WDR1: variants seen among roughly 807,000 people sequenced by gnomAD.
WDR1 encodes WD repeat domain 1.
Under a neutral mutation model 71.9 loss-of-function variants are expected in WDR1, and 21 were observed. The observed-to-expected ratio is 0.29, with a 90% confidence interval of 0.21 to 0.42. The LOEUF is 0.42. Ranked by LOEUF, WDR1 falls within the 10% of genes least tolerant of loss-of-function variation. The pLI, the probability that WDR1 is intolerant of heterozygous loss-of-function variation, is 1.00. For synonymous variants in WDR1, 424 were observed against 347.4 expected (o/e 1.22, Z -2.45); for missense variants, 696 against 824.5 (o/e 0.84, Z 1.91).
chr4:10,095,169 A>C (rs1712253700), intron 5 of WDR1, among the ~76,000 whole-genome samples: 3 of 152,208 alleles, frequency 2.0e-5, no homozygotes, highest in South Asian at 2.1e-4. Flanking sequence ...AGGCAAGGCC[A>C]CCAAGGCCTG....
rs1764757404 is a variant in WDR1 at position 10,075,285 on chromosome 4, G to C, written c.*93C>G. 1.7e-6 allele frequency: 2 copies of C among 1,154,158 alleles called. No homozygotes were observed. Among genetic ancestry groups the C allele is most frequent in the Admixed American group, 4.0e-5 (2 of 50,392 alleles). The allele number at this position is 1,154,158 out of a possible 1,614,324, so 71.5% of individuals were successfully genotyped here. A position where few individuals can be genotyped will look rare whatever the true frequency, so the allele number is the denominator to read the frequency against. On this transcript the variant is annotated 3_prime_UTR_variant, in exon 15 of 15. Coordinates refer to ENST00000499869, the MANE Select transcript of WDR1 (RefSeq NM_017491.5). ...CCTCTTGTGGTGGGGTGGGGGCATGGGGGCGCGTCACAGAAATAGAGAAAT... is the reference window on the plus strand; with the variant it reads ...CCTCTTGTGGTGGGGTGGGGGCATGCGGGCGCGTCACAGAAATAGAGAAAT...
At position 10,087,764 on chromosome 4, in the gene WDR1, G is replaced by T; in HGVS notation, c.894C>A (p.Ser298=). 1 of 1,602,600 alleles carries T rather than the reference G, an allele frequency of 6.2e-7. No homozygotes were observed. Among genetic ancestry groups the T allele is most frequent in the Non-Finnish European group, 8.5e-7 (1 of 1,174,366 alleles). Residue 298 remains serine, a synonymous_variant, in exon 8 of 15, where the codon TCC becomes TCA. Transcript: ENST00000499869. ...TTCTGTCCAGATAGTTGATGTACCC[G>T]GACAGGGAGACACTGAGCAGGTGGT... The part of the protein sequence containing the change: ...QKDHLLSVSL[S]GYINYLDRNN...
Position 10,075,342 on chromosome 4 carries a change from C to G in WDR1, c.*36G>C, listed in dbSNP as rs1339737252. ...TTCCGCTGCAGTTAAACTCTAGTCCCTGATTCGGTCCATCCAGAGGCGGGG... is the reference window on the plus strand; with the variant it reads ...TTCCGCTGCAGTTAAACTCTAGTCCGTGATTCGGTCCATCCAGAGGCGGGG... On this transcript the variant is annotated 3_prime_UTR_variant, in exon 15 of 15. Transcript: ENST00000499869. The G allele has an allele frequency of 6.3e-7, 1 of 1,592,218 alleles. No individual in the cohort carries two copies. Among genetic ancestry groups the G allele is most frequent in the Non-Finnish European group, 8.6e-7 (1 of 1,160,960 alleles).
At chr4:10,100,804 G>A (rs1381855228) in intron 3 of WDR1, among the ~76,000 whole-genome samples, 2 of 152,214 alleles carry the variant, frequency 1.3e-5, no homozygotes, top group Non-Finnish European at 2.9e-5. Context: ...GTCACCACAG[G>A]CTGGCAGCAT....
At chr4:10,078,017 T>A (rs1764868321) in intron 12 of WDR1, 91 bp from the exon 13 acceptor site, 4 of 1,413,074 alleles carry the variant, frequency 2.8e-6, no homozygotes, top group Non-Finnish European at 3.8e-6. Flanking sequence ...CTTAAGAAAC[T>A]GTGCCGTTCC....
chr4:10,081,345 C>T lies in WDR1; in HGVS notation c.1284+12G>A, dbSNP rs2109641347. 6.2e-7 allele frequency: 1 copy of T among 1,613,428 alleles called. No homozygotes were observed. The highest frequency in any genetic ancestry group is 1.1e-5 in the South Asian group (1 of 91,070). On this transcript the variant is annotated intron_variant, in intron 11 of 14. Coordinates refer to ENST00000499869, the MANE Select transcript of WDR1 (RefSeq NM_017491.5). ...TGCAGGCTCCCACCCAAACACTAAG[C>T]CAGGTCCCTACCTGTCCAATGCACA...
chr4:10,116,353 G>A (rs772786047), intron 1 of WDR1, 119 bp from the exon 2 acceptor site: 1 of 1,435,748 alleles, frequency 7.0e-7, no homozygotes, highest in Non-Finnish European at 9.5e-7. Flanking sequence ...CCGGGAGGGC[G>A]GCCTCCACTT....
At chr4:10,114,180 C>T (rs1713566518) in intron 2 of WDR1, among the ~76,000 whole-genome samples, 2 of 152,188 alleles carry the variant, frequency 1.3e-5, no homozygotes, top group Non-Finnish European at 2.9e-5. Flanking sequence ...AGTAGCATCT[C>T]GTGCTGACCT....
intron 2 of WDR1, among the ~76,000 whole-genome samples, chr4:10,112,912 G>C (rs1419038561): frequency 1.3e-5 from 2 of 152,260 alleles, no homozygotes; most frequent in East Asian, 3.8e-4. Flanking sequence ...GGGACAGGCA[G>C]ATACCTATGT....
In WDR1 at chr4:10,116,695, C is replaced by T. The variant is rs1409099654; in HGVS notation, c.-29G>A. 6 of 1,350,238 alleles carry T rather than the reference C, an allele frequency of 4.4e-6. No individual in the cohort carries two copies. The highest frequency in any genetic ancestry group is 5.7e-6 in the Non-Finnish European group (6 of 1,043,758). The allele number at this position is 1,350,238 out of a possible 1,614,324, so 83.6% of individuals were successfully genotyped here. A position where few individuals can be genotyped will look rare whatever the true frequency, so the allele number is the denominator to read the frequency against. On this transcript the variant is annotated 5_prime_UTR_variant, in exon 1 of 15. Coordinates refer to ENST00000499869, the MANE Select transcript of WDR1 (RefSeq NM_017491.5). The stretch of plus-strand genomic sequence containing the variant: ...CGCCCACTTGTTACCGCGCCGCGCT[C>T]GCCGAGAGCCTCCGGGGCCGGCCCG...
intron 5 of WDR1, among the ~76,000 whole-genome samples, chr4:10,091,158 G>A (rs1324215757): frequency 6.6e-6 from 1 of 152,272 alleles, no homozygotes; most frequent in Non-Finnish European, 1.5e-5. Context: ...GGGAACACAG[G>A]ACTGGACGGT....
At chr4:10,086,843 G>C (rs534173606) in intron 8 of WDR1, among the ~76,000 whole-genome samples, 1 of 152,318 alleles carries the variant, frequency 6.6e-6, no homozygotes, top group East Asian at 1.9e-4. Context: ...CACCAGCGCT[G>C]GGGGAACCTG....
At chr4:10,091,420 C>G (rs915807363) in intron 5 of WDR1, 2 of 152,248 alleles carry the variant, frequency 1.3e-5, no homozygotes, top group Non-Finnish European at 2.9e-5. Context: ...CCAGGGCCCT[C>G]CAGAGACGCT....
In WDR1 at chr4:10,116,723, C is replaced by G. The variant is rs1713765982; in HGVS notation, c.-57G>C. The G allele has an allele frequency of 7.6e-7, 1 of 1,309,876 alleles. No individual in the cohort carries two copies. Among genetic ancestry groups the G allele is most frequent in the Non-Finnish European group, 9.7e-7 (1 of 1,027,416 alleles). The allele number at this position is 1,309,876 out of a possible 1,614,324, so 81.1% of individuals were successfully genotyped here. On this transcript the variant is annotated 5_prime_UTR_variant, in exon 1 of 15. Transcript: ENST00000499869. ...CGAGAGCCTCCGGGGCCGGCCCGCGCTGCGAATTACACCTCGCCGAGGCCG... is the reference window on the plus strand; with the variant it reads ...CGAGAGCCTCCGGGGCCGGCCCGCGGTGCGAATTACACCTCGCCGAGGCCG...
chr4:10,089,016 C>G (rs879550414), intron 5 of WDR1, among the ~76,000 whole-genome samples: 3 of 152,196 alleles, frequency 2.0e-5, no homozygotes, highest in Admixed American at 1.3e-4. Flanking sequence ...ATGCCCCCCC[C>G]AGTGAGGTGC....
In WDR1 at chr4:10,075,044, C is replaced by G. The variant is rs1039950379; in HGVS notation, c.*334G>C. 7.5e-6 allele frequency: 3 copies of G among 398,282 alleles called. No homozygotes were observed. The highest frequency in any genetic ancestry group is 1.3e-5 in the Non-Finnish European group (3 of 222,358). The allele number at this position is 398,282 out of a possible 1,614,324, so 24.7% of individuals were successfully genotyped here. A position where few individuals can be genotyped will look rare whatever the true frequency, so the allele number is the denominator to read the frequency against. On this transcript the variant is annotated 3_prime_UTR_variant, in exon 15 of 15. Coordinates refer to ENST00000499869, the MANE Select transcript of WDR1 (RefSeq NM_017491.5). ...ACCTCCCCTGACAGATAGTGAGAGC[C>G]GCGGCGGGGCCAGGGGCTCTGTGTG...
At chr4:10,093,113 C>T (rs191909024) in intron 5 of WDR1, 295 of 1,289,450 alleles carry the variant, frequency 2.3e-4, no homozygotes, top group Middle Eastern at 1.7e-3. Context: ...CATCACAGAG[C>T]GACAGAGCGC....
At position 10,109,977 on chromosome 4, in the gene WDR1, C is replaced by G. The variant is rs149818971; in HGVS notation, c.139-5991G>C. On this transcript the variant is annotated intron_variant, in intron 2 of 14. Coordinates refer to ENST00000499869, the MANE Select transcript of WDR1 (RefSeq NM_017491.5). ...ATCCCATGATAACATTCCTCCCACT[C>G]TCGCAGGCATGGAAACAGAAGAGGC... 9.2e-5 allele frequency among the ~76,000 whole-genome samples: 14 copies of G among 152,356 alleles called. No individual in the cohort carries two copies. The East Asian group carries it at 2.7e-3, about 29-fold the overall frequency.
At position 10,095,446 on chromosome 4, in the gene WDR1, T is replaced by C. The variant is rs566706581; in HGVS notation, c.558+2265A>G. Among the ~76,000 whole-genome samples the C allele has an allele frequency of 7.9e-5, 12 of 152,290 alleles. No homozygotes were observed. The East Asian group carries it at 2.3e-3, about 29-fold the overall frequency. ...AAGCCCAGCGATGCTCAGCCCACCATGTCCTCAAAGCTGACTGTGGCTGGG... is the reference window on the plus strand; with the variant it reads ...AAGCCCAGCGATGCTCAGCCCACCACGTCCTCAAAGCTGACTGTGGCTGGG... On this transcript the variant is annotated intron_variant, in intron 5 of 14. Transcript: ENST00000499869.
Sources: gnomAD v4.1 joint callset for allele counts (sites outside exome capture counted in the v4.1 genomes callset) on GRCh38, gnomAD v4.1.1 for gene constraint, MANE v1.5 for transcripts, NCBI Gene and HGNC (gene_info 2026-07-23, HGNC 2026-07-21) for gene names.